Variants in CLVS1 observed in about 807,000 individuals in gnomAD.
The protein encoded by CLVS1 is clavesin 1, also known as clavesin-1.
A neutral mutation model predicts 33.1 loss-of-function variants in CLVS1; 10 were observed. The observed-to-expected ratio is 0.30, with a 90% CI of 0.19 to 0.51. The LOEUF (loss-of-function observed/expected upper bound fraction) is 0.51. Ranked by LOEUF, CLVS1 falls within the 20% of genes least tolerant of loss-of-function variation. CLVS1 has a pLI of 0.97. For missense variants in CLVS1, 343 were observed against 433.4 expected (o/e 0.79, Z 1.85); for synonymous variants, 163 against 166.1 (o/e 0.98, Z 0.14).
chr8:61,233,120 C>A (rs1242952535), intron 2 of CLVS1, among the ~76,000 whole-genome samples: 1 of 152,138 alleles, frequency 6.6e-6, no homozygotes, highest in African/African-American at 2.4e-5. Flanking sequence ...ACAGTTTGAA[C>A]CTTCAAAAGG....
intron 2 of CLVS1, among the ~76,000 whole-genome samples, chr8:61,161,972 A>G (rs1383551244): frequency 6.9e-6 from 1 of 145,856 alleles, no homozygotes; most frequent in African/African-American, 2.5e-5. Context: ...ATATAATTCT[A>G]TAGTTACAAC....
chr8:61,300,106 C>T lies in CLVS1; in HGVS notation c.279C>T (p.Leu93=), dbSNP rs754367710. The T allele has an allele frequency of 1.9e-6, 3 of 1,614,040 alleles. No homozygotes were observed. Among genetic ancestry groups the T allele is most frequent in the Non-Finnish European group, 2.5e-6 (3 of 1,179,984 alleles). The change falls in exon 2 of 6, where the codon CTC becomes CTT. Residue 93 remains leucine (L), a synonymous_variant. Transcript: ENST00000325897. ...TTCACCAAGCGGATGCCTTTAGACT[C>T]CTGGCTCAGTATTTCCAGTACCGCC... The part of the protein sequence containing the change: ...RKFHQADAFR[L]LAQYFQYRQL...
At chr8:61,211,733 C>A (rs559469166) in intron 2 of CLVS1, among the ~76,000 whole-genome samples, 4 of 152,318 alleles carry the variant, frequency 2.6e-5, no homozygotes, top group Admixed American at 2.6e-4. Context: ...TCTTACTTTG[C>A]AGATGTGATT....
At chr8:61,273,044 C>T (rs987738513) in intron 2 of CLVS1, among the ~76,000 whole-genome samples, 57 of 151,222 alleles carry the variant, frequency 3.8e-4, no homozygotes, top group African/African-American at 1.3e-3. Context: ...TGAGGAACTG[C>T]GTTCCTTTGG....
At chr8:61,322,727 C>T (rs1811241206) in intron 2 of CLVS1, among the ~76,000 whole-genome samples, 1 of 152,154 alleles carries the variant, frequency 6.6e-6, no homozygotes. Flanking sequence ...CCTCAGCCTA[C>T]TCTTGCTCTT....
At chr8:61,294,451 G>A (rs1485033957) in intron 1 of CLVS1, among the ~76,000 whole-genome samples, 1 of 152,002 alleles carries the variant, frequency 6.6e-6, no homozygotes, top group African/African-American at 2.4e-5. Context: ...TAGCTGTTAT[G>A]TACCCCGAAT....
At chr8:61,018,243 C>T in the CLVS1 span, among the ~76,000 whole-genome samples, 890 of 152,060 alleles carry the variant, frequency 5.9e-3, 11 homozygotes, top group African/African-American at 0.021. Flanking sequence ...GATATGGGGT[C>T]TCTTTTCTAT....
chr8:60,996,158 A>G, the CLVS1 span, among the ~76,000 whole-genome samples: 1 of 152,160 alleles, frequency 6.6e-6, no homozygotes, highest in Non-Finnish European at 1.5e-5. Flanking sequence ...AACTTAAAGT[A>G]TAATAAAAAA....
In CLVS1 at chr8:61,501,504, T is replaced by A. The variant is rs2129609666; in HGVS notation, c.*1962T>A. ...AATGACGACTTATAGTTTGAATTTA[T>A]GTGTATGCAATATACATATGAGAAC... On this transcript the variant is annotated 3_prime_UTR_variant, in exon 6 of 6. Transcript: ENST00000325897. 6.6e-6 allele frequency: 1 copy of A among 152,332 alleles called. No individual in the cohort carries two copies. Among genetic ancestry groups the A allele is most frequent in the South Asian group, 2.1e-4 (1 of 4,830 alleles). 9.4% of individuals were successfully genotyped at this position (152,332 alleles called of 1,614,324 possible). A position where few individuals can be genotyped will look rare whatever the true frequency, so the allele number is the denominator to read the frequency against.
At chr8:61,121,353 G>A (rs909260762) in intron 1 of CLVS1, among the ~76,000 whole-genome samples, 1 of 152,080 alleles carries the variant, frequency 6.6e-6, no homozygotes, top group Admixed American at 6.5e-5. Flanking sequence ...CACGCTGGGA[G>A]CTGTAGACCA....
chr8:61,005,069 G>A, the CLVS1 span, among the ~76,000 whole-genome samples: 35 of 152,188 alleles, frequency 2.3e-4, no homozygotes, highest in Non-Finnish European at 4.0e-4. Flanking sequence ...CAGAAGCTGG[G>A]AATCCATGCC....
the CLVS1 span, among the ~76,000 whole-genome samples, chr8:61,040,003 C>G: frequency 6.6e-6 from 1 of 152,196 alleles, no homozygotes; most frequent in African/African-American, 2.4e-5. Flanking sequence ...CCGCCTCACT[C>G]CTTCTAGTAG....
chr8:61,428,172 A>C (rs2129605084), intron 3 of CLVS1, among the ~76,000 whole-genome samples: 1 of 152,340 alleles, frequency 6.6e-6, no homozygotes, highest in Non-Finnish European at 1.5e-5. Flanking sequence ...ACACCCCATA[A>C]GTCACAACTG....
At chr8:61,337,254 C>A (rs1450683401) in intron 2 of CLVS1, among the ~76,000 whole-genome samples, 1 of 152,212 alleles carries the variant, frequency 6.6e-6, no homozygotes, top group Non-Finnish European at 1.5e-5. Flanking sequence ...TGATATTTCA[C>A]GTATCTTGTG....
the CLVS1 span, chr8:60,966,200 C>A: frequency 3.0e-6 from 1 of 336,002 alleles, no homozygotes; most frequent in Non-Finnish European, 5.9e-6. Flanking sequence ...TGAATGAAAA[C>A]AGCTGTCTGA....
At chr8:61,401,837 A>C (rs899494258) in intron 3 of CLVS1, among the ~76,000 whole-genome samples, 48 of 152,314 alleles carry the variant, frequency 3.2e-4, no homozygotes, top group Middle Eastern at 3.4e-3. Flanking sequence ...ACTTCAAGGC[A>C]CAGCTCAAGT....
intron 1 of CLVS1, among the ~76,000 whole-genome samples, chr8:61,293,070 C>A (rs1810055351): frequency 6.6e-6 from 1 of 152,102 alleles, no homozygotes; most frequent in Admixed American, 6.6e-5. Context: ...TGATTGTGTG[C>A]TTCTTTGCTG....
chr8:61,213,982 C>G (rs923652790), intron 2 of CLVS1, among the ~76,000 whole-genome samples: 1 of 152,152 alleles, frequency 6.6e-6, no homozygotes, highest in East Asian at 1.9e-4. Flanking sequence ...AATGCCCCCC[C>G]ACTCAAGGTG....
intron 5 of CLVS1, among the ~76,000 whole-genome samples, chr8:61,493,533 A>G (rs546616033): frequency 3.5e-4 from 53 of 152,308 alleles, no homozygotes; most frequent in African/African-American, 1.3e-3. Flanking sequence ...GAGGAGGCCG[A>G]ATTCACCCAA....
Sources: allele counts gnomAD v4.1 joint callset (sites outside exome capture counted in the v4.1 genomes callset), GRCh38; gene constraint gnomAD v4.1.1; transcripts MANE v1.5; gene names NCBI Gene and HGNC (gene_info 2026-07-23, HGNC 2026-07-21).